Variants in CTNND2 observed in about 807,000 individuals in gnomAD.
CTNND2 encodes catenin delta-2.
A neutral mutation model predicts 144.4 loss-of-function variants in CTNND2; 22 were observed. The ratio of observed to expected loss-of-function variants is 0.15; its 90% CI spans 0.11 to 0.22. The LOEUF (loss-of-function observed/expected upper bound fraction) is 0.22. Ranked by LOEUF, CTNND2 falls within the 10% of genes least tolerant of loss-of-function variation. The probability of loss-of-function intolerance (pLI) is 1.00; values close to 1 mark genes in which losing one functional copy is unlikely to be tolerated. For synonymous variants in CTNND2, 751 were observed against 695.6 expected, an observed-to-expected ratio of 1.08 and a Z score of -1.25; for missense variants, 1,353 against 1,618.8, an observed-to-expected ratio of 0.84 and a Z score of 2.82.
At chr5:11,246,724 T>TG (rs1238565235) in intron 9 of CTNND2, among the ~76,000 whole-genome samples, 13 of 1,718 alleles carry the variant, frequency 7.6e-3, no homozygotes, top group Admixed American at 0.021. Context: ...TGTAGGTGGG[T>TG]GGGGGGGTGG....
At chr5:11,425,730 C>T (rs1379798053) in intron 3 of CTNND2, among the ~76,000 whole-genome samples, 1 of 152,150 alleles carries the variant, frequency 6.6e-6, no homozygotes, top group Non-Finnish European at 1.5e-5. Context: ...CCCTTAACTG[C>T]CTTGGTTGGG....
At chr5:11,628,366 C>T (rs139201964) in intron 2 of CTNND2, among the ~76,000 whole-genome samples, 2 of 152,230 alleles carry the variant, frequency 1.3e-5, no homozygotes, top group Non-Finnish European at 2.9e-5. Flanking sequence ...GAAGTGCTTG[C>T]CAAGTGTCAG....
At chr5:11,396,635 C>T (rs1760165512) in intron 6 of CTNND2, among the ~76,000 whole-genome samples, 1 of 152,088 alleles carries the variant, frequency 6.6e-6, no homozygotes, top group Non-Finnish European at 1.5e-5. Context: ...ACAAAGCAAT[C>T]CCATGCTTTT....
rs144684340 is a variant in CTNND2, at chr5:11,767,526, T to C, written c.38-35254A>G. On this transcript the variant is annotated intron_variant, in intron 1 of 21. Transcript: ENST00000304623. ...TTAGAAATGAACCACGAACAAGAATTATATTCCCTTTGACAAGCAAGTTAG... is the reference window on the plus strand; with the variant it reads ...TTAGAAATGAACCACGAACAAGAATCATATTCCCTTTGACAAGCAAGTTAG... Among the ~76,000 whole-genome samples the C allele has an allele frequency of 4.0e-4, 61 of 152,310 alleles. No homozygotes were observed. In the East Asian group the frequency reaches 6.2e-3, roughly 15 times the overall value.
rs576637561 is a variant in CTNND2, at chr5:11,318,792, A to G, written c.1628+27580T>C. 7.2e-5 allele frequency among the ~76,000 whole-genome samples: 11 copies of G among 152,230 alleles called. No individual in the cohort carries two copies. In the East Asian group the frequency reaches 2.1e-3, roughly 29 times the overall value. ...TTCGGTGGCATTCCCACCTGCATAAAAACATGCTGTAAAAGCTCTTATCTG... is the reference window on the plus strand; with the variant it reads ...TTCGGTGGCATTCCCACCTGCATAAGAACATGCTGTAAAAGCTCTTATCTG... On this transcript the variant is annotated intron_variant, in intron 9 of 21. Transcript: ENST00000304623.
intron 6 of CTNND2, among the ~76,000 whole-genome samples, chr5:11,386,466 C>T (rs1759100318): frequency 6.6e-6 from 1 of 152,200 alleles, no homozygotes; most frequent in Non-Finnish European, 1.5e-5. Context: ...ACTGCACATA[C>T]ACAGGCATTC....
intron 14 of CTNND2, among the ~76,000 whole-genome samples, chr5:11,104,754 T>C (rs998382985): frequency 4.6e-5 from 7 of 151,906 alleles, no homozygotes; most frequent in Non-Finnish European, 1.0e-4. Context: ...GGGGATAGAG[T>C]TGATGGCTAA....
Position 11,903,719 on chromosome 5 carries a change from G to T in CTNND2, c.37+98C>A. 4 of 1,245,666 alleles carry T rather than the reference G, an allele frequency of 3.2e-6. No homozygotes were observed. Among genetic ancestry groups the T allele is most frequent in the Admixed American group, 3.8e-5 (1 of 26,362 alleles). The allele number at this position is 1,245,666 out of a possible 1,614,324, so 77.2% of individuals were successfully genotyped here. A position where few individuals can be genotyped will look rare whatever the true frequency, so the allele number is the denominator to read the frequency against. ...CAGCAGCCGCCGCCGCCGCCTGCCGGCCGGGAGCCCAGGACCACCCCCACC... is the reference window on the plus strand; with the variant it reads ...CAGCAGCCGCCGCCGCCGCCTGCCGTCCGGGAGCCCAGGACCACCCCCACC... On this transcript the variant is annotated intron_variant, in intron 1 of 21. Transcript: ENST00000304623. The surrounding 1 kb of genome is among the most constrained non-coding windows in gnomAD (Gnocchi z 5.4).
chr5:11,510,003 C>T (rs755729348), intron 3 of CTNND2, among the ~76,000 whole-genome samples: 1 of 152,220 alleles, frequency 6.6e-6, no homozygotes, highest in African/African-American at 2.4e-5. Flanking sequence ...GCAATCACAG[C>T]TCACTGAAAT....
intron 2 of CTNND2, among the ~76,000 whole-genome samples, chr5:11,693,167 C>T (rs1462105177): frequency 2.0e-5 from 3 of 152,148 alleles, no homozygotes; most frequent in Non-Finnish European, 2.9e-5. Context: ...ACTCTTTCCA[C>T]CAGATGAGGA....
chr5:11,885,763 G>C (rs963344321), intron 1 of CTNND2, among the ~76,000 whole-genome samples: 7 of 151,986 alleles, frequency 4.6e-5, no homozygotes, highest in African/African-American at 1.5e-4. Context: ...CTTCAGAACA[G>C]ACCGTATGTT....
At chr5:11,455,447 C>T (rs1765652616) in intron 3 of CTNND2, among the ~76,000 whole-genome samples, 1 of 152,150 alleles carries the variant, frequency 6.6e-6, no homozygotes, top group Non-Finnish European at 1.5e-5. Flanking sequence ...TTGTTCAAAC[C>T]ATGTGTATCT....
intron 3 of CTNND2, among the ~76,000 whole-genome samples, chr5:11,502,543 A>T (rs1015823642): frequency 6.6e-6 from 1 of 152,234 alleles, no homozygotes; most frequent in African/African-American, 2.4e-5. Flanking sequence ...ATATATGTGT[A>T]TACAATGAGA....
At chr5:11,896,897 C>T (rs1737438602) in intron 1 of CTNND2, among the ~76,000 whole-genome samples, 1 of 152,136 alleles carries the variant, frequency 6.6e-6, no homozygotes, top group African/African-American at 2.4e-5. Context: ...CATAATATAT[C>T]TATGCACCTG....
chr5:11,485,322 TAACAG>T (rs950428691), intron 3 of CTNND2, among the ~76,000 whole-genome samples: 4 of 151,150 alleles, frequency 2.6e-5, no homozygotes, highest in African/African-American at 9.8e-5. Flanking sequence ...TGCCACTTCT[TAACAG>T]AGAGAGAGAG....
intron 1 of CTNND2, among the ~76,000 whole-genome samples, chr5:11,743,264 A>G (rs1411166841): frequency 6.6e-6 from 1 of 152,214 alleles, no homozygotes; most frequent in East Asian, 1.9e-4. Context: ...AGCATGTAAC[A>G]AAAATATAAT....
At chr5:10,982,809 G>A (rs1737454087) in intron 20 of CTNND2, among the ~76,000 whole-genome samples, 1 of 152,222 alleles carries the variant, frequency 6.6e-6, no homozygotes, top group African/African-American at 2.4e-5. Context: ...ATAGAGTACT[G>A]TTTGGCCATA....
chr5:11,058,177 G>A (rs1316271127), intron 16 of CTNND2, among the ~76,000 whole-genome samples: 1 of 152,200 alleles, frequency 6.6e-6, no homozygotes, highest in African/African-American at 2.4e-5. Flanking sequence ...GTAATGAGGA[G>A]CTGAATGTTA....
chr5:11,489,461 A>C (rs192661704), intron 3 of CTNND2, among the ~76,000 whole-genome samples: 2 of 152,304 alleles, frequency 1.3e-5, no homozygotes, highest in African/African-American at 2.4e-5. Context: ...AGTTTGCTAG[A>C]ATTTCTTATG....
Sources: gnomAD v4.1 joint callset for allele counts (sites outside exome capture counted in the v4.1 genomes callset) on GRCh38, gnomAD v4.1.1 for gene constraint, Gnocchi (gnomAD v3.1) non-coding constraint, MANE v1.5 for transcripts, NCBI Gene and HGNC (gene_info 2026-07-23, HGNC 2026-07-21) for gene names.